GRID2: variants seen among roughly 807,000 people sequenced by gnomAD.
The protein encoded by GRID2 is glutamate ionotropic receptor delta type subunit 2, also known as glutamate receptor ionotropic, delta-2.
A neutral mutation model predicts 114.8 loss-of-function variants in GRID2; 33 were observed. The ratio of observed to expected loss-of-function variants is 0.29; its 90% CI spans 0.22 to 0.38. The LOEUF is 0.38. GRID2 is among the 10% of genes least tolerant of loss of function. GRID2 has a pLI of 1.00. For missense variants in GRID2, 1,184 were observed against 1,257.7 expected, an observed-to-expected ratio of 0.94 and a Z score of 0.89; for synonymous variants, 505 against 449.9, an observed-to-expected ratio of 1.12 and a Z score of -1.55.
In GRID2 at chr4:93,238,534, G is replaced by T; in HGVS notation, c.1245+44G>T. 7 of 1,548,866 alleles carry T rather than the reference G, an allele frequency of 4.5e-6. No homozygotes were observed. The South Asian group carries it at 4.5e-5, about 10-fold the overall frequency. ...ATTAATACGCTTTTTCCTATACTAT[G>T]GTTTTGCTTGATTGTTTTCCATGCA... On this transcript the variant is annotated intron_variant, in intron 8 of 15. Coordinates refer to ENST00000282020, the MANE Select transcript of GRID2 (RefSeq NM_001510.4).
intron 2 of GRID2, among the ~76,000 whole-genome samples, chr4:92,774,069 T>C (rs1738669365): frequency 6.6e-6 from 1 of 152,134 alleles, no homozygotes; most frequent in Non-Finnish European, 1.5e-5. Flanking sequence ...TTTAGTTGCA[T>C]AGTGCTATAA....
chr4:92,842,359 A>T (rs1742971934), intron 2 of GRID2, among the ~76,000 whole-genome samples: 1 of 152,190 alleles, frequency 6.6e-6, no homozygotes, highest in Non-Finnish European at 1.5e-5. Flanking sequence ...AAACCAAGAA[A>T]GCAGTTTTTC....
intron 2 of GRID2, among the ~76,000 whole-genome samples, chr4:92,624,524 A>T (rs1730427252): frequency 6.6e-6 from 1 of 151,856 alleles, no homozygotes; most frequent in Non-Finnish European, 1.5e-5. Flanking sequence ...GAATGCTCGT[A>T]TTGAATTTCT....
intron 2 of GRID2, among the ~76,000 whole-genome samples, chr4:92,956,534 C>T (rs961008725): frequency 1.3e-5 from 2 of 152,084 alleles, no homozygotes; most frequent in African/African-American, 2.4e-5. Flanking sequence ...TAATATTCCA[C>T]TCTCTAGATG....
chr4:92,439,534 TA>T (rs35214731), intron 1 of GRID2, among the ~76,000 whole-genome samples: 17 of 151,664 alleles, frequency 1.1e-4, no homozygotes, highest in East Asian at 1.9e-4. Flanking sequence ...CAAGCGGGAT[TA>T]GGGGCGGCGT....
chr4:93,205,229 T>C (rs1029153394), intron 4 of GRID2, among the ~76,000 whole-genome samples: 1 of 152,128 alleles, frequency 6.6e-6, no homozygotes, highest in Non-Finnish European at 1.5e-5. Context: ...TTTTTATTTT[T>C]TTTTAGCTAA....
At chr4:93,760,786 TGTCTTACCCGTTCTTA>T in intron 14 of GRID2, among the ~76,000 whole-genome samples, 1 of 152,356 alleles carries the variant, frequency 6.6e-6, no homozygotes, top group Middle Eastern at 3.4e-3. Context: ...CTCAGTTCAT[TGTCTTACCCGTTCTTA>T]GTAAATCATA....
At chr4:93,321,873 A>G (rs1447069315) in intron 8 of GRID2, among the ~76,000 whole-genome samples, 1 of 151,908 alleles carries the variant, frequency 6.6e-6, no homozygotes, top group African/African-American at 2.4e-5. Flanking sequence ...TTTTAATTCC[A>G]ATTAAAGCGT....
At chr4:92,343,002 A>C (rs1191384692) in intron 1 of GRID2, among the ~76,000 whole-genome samples, 2 of 152,218 alleles carry the variant, frequency 1.3e-5, no homozygotes, top group Non-Finnish European at 2.9e-5. Flanking sequence ...AATGAAATAT[A>C]TAATATGAAC....
At chr4:92,389,225 A>G (rs1730129396) in intron 1 of GRID2, among the ~76,000 whole-genome samples, 1 of 152,072 alleles carries the variant, frequency 6.6e-6, no homozygotes, top group African/African-American at 2.4e-5. Flanking sequence ...TTATATTGAA[A>G]TTATGGTTTA....
At chr4:93,759,060 TC>T (rs1481817660) in intron 14 of GRID2, among the ~76,000 whole-genome samples, 1 of 152,162 alleles carries the variant, frequency 6.6e-6, no homozygotes, top group African/African-American at 2.4e-5. Context: ...GATTATCTAT[TC>T]ATTTGCCGCC....
intron 13 of GRID2, among the ~76,000 whole-genome samples, chr4:93,532,339 A>C (rs1731530925): frequency 6.6e-6 from 1 of 152,154 alleles, no homozygotes; most frequent in Non-Finnish European, 1.5e-5. Context: ...GTAGCTACTC[A>C]CAAATTATTG....
intron 2 of GRID2, among the ~76,000 whole-genome samples, chr4:92,673,750 G>A (rs1276803024): frequency 6.6e-6 from 1 of 151,992 alleles, no homozygotes; most frequent in Non-Finnish European, 1.5e-5. Context: ...TTCTGTCCTT[G>A]TGAAAGTTTG....
At chr4:93,192,747 CAAAA>C (rs775968274) in intron 4 of GRID2, among the ~76,000 whole-genome samples, 49 of 43,742 alleles carry the variant, frequency 1.1e-3, no homozygotes, top group Non-Finnish European at 2.1e-3. Flanking sequence ...AACTCCATCT[CAAAA>C]AAAAAAAAAA....
chr4:93,662,303 G>A (rs1210974698), intron 14 of GRID2, among the ~76,000 whole-genome samples: 1 of 151,918 alleles, frequency 6.6e-6, no homozygotes, highest in Non-Finnish European at 1.5e-5. Flanking sequence ...TGTTCTCTAT[G>A]GCACCACCAC....
At chr4:93,180,989 A>G (rs1450751227) in intron 4 of GRID2, among the ~76,000 whole-genome samples, 1 of 152,138 alleles carries the variant, frequency 6.6e-6, no homozygotes, top group Non-Finnish European at 1.5e-5. Flanking sequence ...AATATTCTTA[A>G]TGGCATGTAG....
At chr4:93,145,062 GA>G (rs1223864278) in intron 4 of GRID2, among the ~76,000 whole-genome samples, 1 of 152,104 alleles carries the variant, frequency 6.6e-6, no homozygotes, top group Non-Finnish European at 1.5e-5. Flanking sequence ...TCTCTTCCCA[GA>G]ATGCTTTTTA....
At chr4:93,375,902 G>C (rs912364416) in intron 8 of GRID2, among the ~76,000 whole-genome samples, 2 of 152,082 alleles carry the variant, frequency 1.3e-5, no homozygotes, top group Non-Finnish European at 2.9e-5. Flanking sequence ...TGGCTGAAAC[G>C]ACAAAAATTT....
intron 1 of GRID2, among the ~76,000 whole-genome samples, chr4:92,309,599 T>C (rs1034776920): frequency 4.6e-5 from 7 of 151,892 alleles, no homozygotes; most frequent in Admixed American, 6.6e-5. Flanking sequence ...TAATGAGGTT[T>C]GTGATGCTGT....
Sources: gnomAD v4.1 joint callset for allele counts (sites outside exome capture counted in the v4.1 genomes callset) on GRCh38, gnomAD v4.1.1 for gene constraint, MANE v1.5 for transcripts, NCBI Gene and HGNC (gene_info 2026-07-23, HGNC 2026-07-21) for gene names.